The following TBC1D4 variants were observed in gnomAD, a reference collection of about 807,000 sequenced individuals.
TBC1D4 encodes the protein TBC1 domain family member 4.
Under a neutral mutation model 142.5 loss-of-function variants are expected in TBC1D4, and 121 were observed. The ratio of observed to expected loss-of-function variants is 0.85; its 90% CI spans 0.73 to 0.99. The LOEUF is 0.99. TBC1D4 is among the 50% of genes least tolerant of loss of function. The pLI is 0.00. For missense variants in TBC1D4, 1,475 were observed against 1,606.6 expected, an observed-to-expected ratio of 0.92 and a Z score of 1.40; for synonymous variants, 630 against 628.2, an observed-to-expected ratio of 1.00 and a Z score of -0.04.
At chr13:75,429,165 C>A (rs905447401) in intron 1 of TBC1D4, among the ~76,000 whole-genome samples, 2 of 152,000 alleles carry the variant, frequency 1.3e-5, no homozygotes, top group Non-Finnish European at 2.9e-5. Context: ...CGTAAAATCA[C>A]GTGTTGGAGA....
intron 1 of TBC1D4, among the ~76,000 whole-genome samples, chr13:75,372,958 T>C (rs916294439): frequency 3.9e-5 from 6 of 152,204 alleles, no homozygotes; most frequent in African/African-American, 1.4e-4. Flanking sequence ...CATCATGAAA[T>C]AGGAAGTATA....
At position 75,362,271 on chromosome 13, in the gene TBC1D4, C is replaced by A. The variant is rs1303607107; in HGVS notation, c.835G>T (p.Gly279Cys). 18 of 1,613,896 alleles carry A rather than the reference C, an allele frequency of 1.1e-5. No homozygotes were observed. The East Asian group carries it at 4.0e-4, about 36-fold the overall frequency. ...EEADGTDTHL[G>C]LPAGASQPAL... ...GGCTGGCTGGCCCCGGCAGGTAAGCCAAGGTGGGTGTCGGTGCCGTCAGCC... is the reference window on the plus strand; with the variant it reads ...GGCTGGCTGGCCCCGGCAGGTAAGCAAAGGTGGGTGTCGGTGCCGTCAGCC... Residue 279 changes from glycine (G) to cysteine (C), a missense_variant, in exon 2 of 21, where the codon GGC (glycine) becomes TGC (cysteine). This residue lies in a region of TBC1D4 where 1,227 missense variants were observed against 1,267.7 expected (regional missense o/e 0.97). Coordinates refer to ENST00000377636, the MANE Select transcript of TBC1D4 (RefSeq NM_014832.5). This position sits in a 1 kb window ranked among gnomAD's most constrained non-coding sequence, Gnocchi z 4.2.
intron 1 of TBC1D4, among the ~76,000 whole-genome samples, chr13:75,412,895 C>T (rs1478894575): frequency 1.3e-5 from 2 of 152,084 alleles, no homozygotes; most frequent in East Asian, 1.9e-4. Flanking sequence ...ACATATTTAC[C>T]GAGTTAATTC....
intron 19 of TBC1D4, among the ~76,000 whole-genome samples, chr13:75,289,364 T>C (rs1875033461): frequency 6.6e-6 from 1 of 152,160 alleles, no homozygotes; most frequent in African/African-American, 2.4e-5. Context: ...AGATTATTTC[T>C]ATGCAATTGA....
At chr13:75,311,143 G>C (rs914709123) in intron 13 of TBC1D4, among the ~76,000 whole-genome samples, 1 of 152,162 alleles carries the variant, frequency 6.6e-6, no homozygotes, top group African/African-American at 2.4e-5. Flanking sequence ...ATTGGGACTA[G>C]CATTTAAGTT....
intron 5 of TBC1D4, among the ~76,000 whole-genome samples, chr13:75,343,735 C>G (rs1248912935): frequency 1.3e-5 from 2 of 152,088 alleles, no homozygotes; most frequent in African/African-American, 2.4e-5. Context: ...AGGCTGGGCT[C>G]CAACTCCTGA....
Position 75,286,826 on chromosome 13 carries a change from G to C in TBC1D4, c.3863C>G (p.Pro1288Arg). 6.2e-7 allele frequency: 1 copy of C among 1,613,832 alleles called. No homozygotes were observed. The highest frequency in any genetic ancestry group is 8.5e-7 in the Non-Finnish European group (1 of 1,179,936). ...ATTTCCTATCTTGGCTTTGTTGTTA[G>C]GGTTGCAGTTTAGGTCTCTCAGCAA... ...DLLLRDLNCN[P>R]NNKAKIGNKP The change falls in exon 21 of 21, where the codon CCT (proline) becomes CGT (arginine). Residue 1288 changes from proline (P) to arginine (R), a missense_variant. Physicochemically the swap from Pro to Arg is moderately radical, Grantham distance 103. Transcript: ENST00000377636.
intron 14 of TBC1D4, among the ~76,000 whole-genome samples, chr13:75,309,561 A>G (rs564992245): frequency 3.8e-4 from 58 of 152,302 alleles, no homozygotes; most frequent in Admixed American, 1.5e-3. Context: ...TTCAAAGAAA[A>G]GAAAATTTGC....
At chr13:75,340,580 C>G (rs547029303) in intron 7 of TBC1D4, among the ~76,000 whole-genome samples, 1 of 151,882 alleles carries the variant, frequency 6.6e-6, no homozygotes, top group Non-Finnish European at 1.5e-5. Flanking sequence ...TTTTTTTTAA[C>G]CAAAACCCAC....
intron 17 of TBC1D4, among the ~76,000 whole-genome samples, chr13:75,298,669 C>T (rs1876200809): frequency 6.6e-6 from 1 of 152,186 alleles, no homozygotes; most frequent in Non-Finnish European, 1.5e-5. Flanking sequence ...AGCAGAATGG[C>T]TTGAACCCGG....
chr13:75,320,867 CAA>C (rs148657060), intron 11 of TBC1D4, among the ~76,000 whole-genome samples: 28,550 of 84,246 alleles, frequency 0.34, 3,315 homozygotes, highest in Middle Eastern at 0.44. Context: ...ACTAAAAATA[CAA>C]AAAAAAAAAA....
intron 5 of TBC1D4, among the ~76,000 whole-genome samples, chr13:75,343,370 C>G (rs565871547): frequency 5.9e-4 from 90 of 152,286 alleles, no homozygotes; most frequent in African/African-American, 2.1e-3. Context: ...TGAATGAGAA[C>G]TAGAGGAAAA....
intron 5 of TBC1D4, among the ~76,000 whole-genome samples, chr13:75,347,930 G>A (rs1475337930): frequency 1.3e-5 from 2 of 152,150 alleles, no homozygotes; most frequent in African/African-American, 2.4e-5. Flanking sequence ...GAGACCAAGA[G>A]TTTGATACCA....
At chr13:75,463,267 A>G (rs1213986610) in intron 1 of TBC1D4, among the ~76,000 whole-genome samples, 2 of 152,286 alleles carry the variant, frequency 1.3e-5, no homozygotes, top group East Asian at 3.9e-4. Context: ...ACAAGACTGT[A>G]CTGTGGCAAA....
At chr13:75,311,463 A>C (rs1406433295) in intron 13 of TBC1D4, among the ~76,000 whole-genome samples, 1 of 151,816 alleles carries the variant, frequency 6.6e-6, no homozygotes, top group Non-Finnish European at 1.5e-5. Flanking sequence ...CTTTACTTTT[A>C]TTATTTACTT....
chr13:75,472,853 G>A (rs1189476236), intron 1 of TBC1D4, among the ~76,000 whole-genome samples: 1 of 152,202 alleles, frequency 6.6e-6, no homozygotes, highest in Non-Finnish European at 1.5e-5. Flanking sequence ...GAATCAAGGA[G>A]AAAGGCTATC....
intron 1 of TBC1D4, among the ~76,000 whole-genome samples, chr13:75,421,021 A>G (rs948195788): frequency 5.9e-5 from 9 of 152,258 alleles, no homozygotes; most frequent in Admixed American, 3.3e-4. Flanking sequence ...GAATAAAAAC[A>G]TCACTCTTTG....
intron 1 of TBC1D4, among the ~76,000 whole-genome samples, chr13:75,478,895 T>C (rs1236265704): frequency 6.6e-6 from 1 of 152,204 alleles, no homozygotes; most frequent in African/African-American, 2.4e-5. Flanking sequence ...AAGTGGCCGC[T>C]CATGGATCTC....
At chr13:75,344,527 G>A (rs1235340498) in intron 5 of TBC1D4, among the ~76,000 whole-genome samples, 2 of 151,862 alleles carry the variant, frequency 1.3e-5, no homozygotes, top group Non-Finnish European at 2.9e-5. Context: ...TATCCACTAT[G>A]CATGTTAATG....
Sources: gnomAD v4.1 joint callset for allele counts (sites outside exome capture counted in the v4.1 genomes callset) on GRCh38, gnomAD v4.1.1 for gene constraint, gnomAD v4.1.1 regional missense constraint, Gnocchi (gnomAD v3.1) non-coding constraint, MANE v1.5 for transcripts, NCBI Gene and HGNC (gene_info 2026-07-23, HGNC 2026-07-21) for gene names.